Variants in OR1J2 observed in about 807,000 individuals in gnomAD.
OR1J2 encodes the protein olfactory receptor 1J2.
For synonymous variants in OR1J2, 142 were observed against 99.7 expected, an observed-to-expected ratio of 1.42 and a Z score of -2.52; for missense variants, 304 against 246.1, an observed-to-expected ratio of 1.24 and a Z score of -1.57.
chr9:122,473,856 C>A, the OR1J2 span, among the ~76,000 whole-genome samples: 8 of 152,182 alleles, frequency 5.3e-5, no homozygotes, highest in African/African-American at 1.9e-4. Flanking sequence ...CCTAGGAATT[C>A]TTGCAGACTT....
At chr9:122,488,528 T>G in the OR1J2 span, among the ~76,000 whole-genome samples, 4 of 152,212 alleles carry the variant, frequency 2.6e-5, no homozygotes, top group African/African-American at 9.7e-5. Flanking sequence ...TTTCAAGGAC[T>G]AGAGATTTAT....
the OR1J2 span, chr9:122,477,750 C>A: frequency 1.2e-6 from 2 of 1,614,022 alleles, no homozygotes; most frequent in South Asian, 2.2e-5. Context: ...GGAAGAAGTA[C>A]ATGGGGGTGT....
chr9:122,570,514 C>A, the OR1J2 span, among the ~76,000 whole-genome samples: 29 of 152,242 alleles, frequency 1.9e-4, no homozygotes, highest in African/African-American at 7.0e-4. Context: ...TCAGGTTTTT[C>A]ATGTATAAAA....
the OR1J2 span, among the ~76,000 whole-genome samples, chr9:122,453,831 C>T: frequency 6.6e-6 from 1 of 152,184 alleles, no homozygotes; most frequent in South Asian, 2.1e-4. Context: ...TCCCTCATAC[C>T]CAGGTATTTG....
the OR1J2 span, among the ~76,000 whole-genome samples, chr9:122,487,356 A>C: frequency 2.6e-5 from 4 of 152,128 alleles, no homozygotes; most frequent in African/African-American, 9.7e-5. Flanking sequence ...ACCAGAGAAT[A>C]ATAATAATGA....
At chr9:122,461,840 T>C in the OR1J2 span, among the ~76,000 whole-genome samples, 1 of 152,222 alleles carries the variant, frequency 6.6e-6, no homozygotes, top group East Asian at 1.9e-4. Context: ...GTCTATCATA[T>C]GGTCTTTCTT....
At chr9:122,552,079 T>TCTCTGTCACACA in the OR1J2 span, among the ~76,000 whole-genome samples, 35 of 142,104 alleles carry the variant, frequency 2.5e-4, no homozygotes, top group Admixed American at 1.3e-3. Flanking sequence ...TCTCTCTCTC[T>TCTCTGTCACACA]CACACACACA....
the OR1J2 span, among the ~76,000 whole-genome samples, chr9:122,455,840 T>A: frequency 6.6e-6 from 1 of 152,196 alleles, no homozygotes; most frequent in African/African-American, 2.4e-5. Context: ...GCTCTTATAT[T>A]TAGGTTTTTA....
At chr9:122,550,708 G>C in the OR1J2 span, among the ~76,000 whole-genome samples, 7 of 151,768 alleles carry the variant, frequency 4.6e-5, no homozygotes, top group African/African-American at 1.7e-4. Context: ...ATCCCTTCAT[G>C]ATAAAAATGC....
At chr9:122,478,529 T>C in the OR1J2 span, among the ~76,000 whole-genome samples, 1 of 152,194 alleles carries the variant, frequency 6.6e-6, no homozygotes, top group Non-Finnish European at 1.5e-5. Context: ...TTTTAAGACA[T>C]AACACTTTAT....
At chr9:122,550,663 A>C in the OR1J2 span, among the ~76,000 whole-genome samples, 1 of 152,138 alleles carries the variant, frequency 6.6e-6, no homozygotes, top group Non-Finnish European at 1.5e-5. Flanking sequence ...TAATCATCTC[A>C]ATAGATATAG....
At chr9:122,565,972 C>T in the OR1J2 span, among the ~76,000 whole-genome samples, 37,169 of 152,092 alleles carry the variant, frequency 0.24, 4,901 homozygotes, top group Middle Eastern at 0.35. Context: ...GCAGTGGCAG[C>T]ATAGCCATGT....
the OR1J2 span, chr9:122,519,213 G>A: frequency 6.2e-7 from 1 of 1,614,074 alleles, no homozygotes; most frequent in Non-Finnish European, 8.5e-7. Flanking sequence ...AGAGCAGCAG[G>A]CTGTGTTCTT....
the OR1J2 span, among the ~76,000 whole-genome samples, chr9:122,488,596 CAT>C: frequency 6.6e-6 from 1 of 152,180 alleles, no homozygotes; most frequent in East Asian, 1.9e-4. Flanking sequence ...AGTGATGACA[CAT>C]AATAATAGTT....
At chr9:122,474,998 A>C in the OR1J2 span, 1 of 152,074 alleles carries the variant, frequency 6.6e-6, no homozygotes, top group Non-Finnish European at 1.5e-5. Context: ...CATTTTGTGC[A>C]CCCTGGGTTA....
the OR1J2 span, among the ~76,000 whole-genome samples, chr9:122,497,348 C>T: frequency 6.6e-6 from 1 of 152,304 alleles, no homozygotes; most frequent in Admixed American, 6.5e-5. Context: ...CCATCTTCCT[C>T]CCGATATTGG....
chr9:122,447,827 C>G, the OR1J2 span, among the ~76,000 whole-genome samples: 1 of 152,040 alleles, frequency 6.6e-6, no homozygotes, highest in Non-Finnish European at 1.5e-5. Flanking sequence ...ATACAACAGA[C>G]AAGATAAAAT....
the OR1J2 span, among the ~76,000 whole-genome samples, chr9:122,517,821 C>G: frequency 1.3e-5 from 2 of 152,086 alleles, no homozygotes; most frequent in Non-Finnish European, 2.9e-5. Flanking sequence ...ACCCCATCAC[C>G]TAGGTATTAA....
At chr9:122,550,262 C>CCAA in the OR1J2 span, among the ~76,000 whole-genome samples, 6 of 151,858 alleles carry the variant, frequency 4.0e-5, no homozygotes, top group Non-Finnish European at 8.8e-5. Flanking sequence ...ATACAATCTC[C>CCAA]CAACAACAAC....
Sources: allele counts gnomAD v4.1 joint callset (sites outside exome capture counted in the v4.1 genomes callset), GRCh38; gene constraint gnomAD v4.1.1; transcripts MANE v1.5; gene names NCBI Gene and HGNC (gene_info 2026-07-23, HGNC 2026-07-21).